The following PRMT7 variants were observed in gnomAD, a reference collection of about 807,000 sequenced individuals.
The protein encoded by PRMT7 is protein arginine methyltransferase 7.
A neutral mutation model predicts 85.4 loss-of-function variants in PRMT7; 75 were observed. That is an observed-to-expected ratio of 0.88 (90% confidence interval 0.73 to 1.06). The LOEUF is 1.06. PRMT7 is among the 50% of genes least tolerant of loss of function. The pLI, the probability that PRMT7 is intolerant of heterozygous loss-of-function variation, is 0.00. For missense variants in PRMT7, 868 were observed against 915.2 expected (o/e 0.95, Z 0.67); for synonymous variants, 397 against 359.5 (o/e 1.10, Z -1.18).
chr16:68,339,992 T>G, intron 9 of PRMT7, 24 bp downstream of exon 9: 1 of 1,579,052 alleles, frequency 6.3e-7, no homozygotes, highest in Non-Finnish European at 8.6e-7. Flanking sequence ...GCCTAGCATG[T>G]GCCCTGTCAG....
intron 5 of PRMT7, chr16:68,328,066 T>C: frequency 4.5e-6 from 1 of 223,440 alleles, no homozygotes. Context: ...TATTTATATT[T>C]ATTATTGTGC....
Position 68,357,168 on chromosome 16 carries a change from C to A in PRMT7, c.2023C>A (p.His675Asn). 6.2e-7 allele frequency: 1 copy of A among 1,613,998 alleles called. No individual in the cohort carries two copies. The highest frequency in any genetic ancestry group is 1.1e-5 in the South Asian group (1 of 91,088). The change falls in exon 19 of 19, where the codon CAC (histidine) becomes AAC (asparagine). Residue 675 changes from histidine to asparagine, a missense_variant. Physicochemically the swap from His to Asn is moderately conservative, Grantham distance 68. Coordinates refer to ENST00000441236, the MANE Select transcript of PRMT7 (RefSeq NM_019023.5). ...GACTGTCAGCTATGCAGTGGAGTTT[C>A]ACCCCGACACAGGCGACATCATCAT... ...PRTVSYAVEF[H>N]PDTGDIIMEF...
chr16:68,353,528 G>A lies in PRMT7; in HGVS notation c.1612G>A (p.Glu538Lys), dbSNP rs1449167583. 7 of 1,604,812 alleles carry A rather than the reference G, an allele frequency of 4.4e-6. No individual in the cohort carries two copies. The highest frequency in any genetic ancestry group is 2.3e-5 in the East Asian group (1 of 43,964). ...GATCCGGAGCCCCTGTGGTGACTGCGAAGGCTTCGACGTGCACATCATGGA... is the reference window on the plus strand; with the variant it reads ...GATCCGGAGCCCCTGTGGTGACTGCAAAGGCTTCGACGTGCACATCATGGA... ...WRIRSPCGDC[E>K]GFDVHIMDDM... is the part of the protein sequence containing the mutation. Residue 538 changes from glutamate to lysine, a missense_variant, in exon 16 of 19, where the codon GAA becomes AAA. Coordinates refer to ENST00000441236, the MANE Select transcript of PRMT7 (RefSeq NM_019023.5).
chr16:68,336,067 G>A (rs556464838), intron 6 of PRMT7, among the ~76,000 whole-genome samples: 19 of 152,248 alleles, frequency 1.2e-4, no homozygotes, highest in East Asian at 3.9e-4. Flanking sequence ...GGGAGCCACC[G>A]CGCCCGGCCC....
intron 7 of PRMT7, among the ~76,000 whole-genome samples, chr16:68,338,302 T>A (rs916225427): frequency 5.3e-5 from 8 of 151,888 alleles, no homozygotes; most frequent in African/African-American, 2.4e-5. Flanking sequence ...TGTAGAGATA[T>A]CGATGCTAGG....
chr16:68,313,040 G>A (rs1314293500), intron 2 of PRMT7, among the ~76,000 whole-genome samples: 3 of 152,134 alleles, frequency 2.0e-5, no homozygotes, highest in Non-Finnish European at 4.4e-5. Flanking sequence ...GGCCAGGCTG[G>A]TCTCGAACTC....
At chr16:68,311,213 G>GCCCACTCCTCCTACTTGGCCT (rs1423597965) in intron 1 of PRMT7, 114 bp downstream of exon 1, 430 of 539,948 alleles carry the variant, frequency 8.0e-4, no homozygotes, top group Admixed American at 1.4e-3. Context: ...GGCCTACTTG[G>GCCCACTCCTCCTACTTGGCCT]ACTCCTCCGC....
intron 6 of PRMT7, among the ~76,000 whole-genome samples, chr16:68,330,794 C>T (rs1279396062): frequency 6.6e-6 from 1 of 152,056 alleles, no homozygotes; most frequent in African/African-American, 2.4e-5. Flanking sequence ...GGGGTTTCAC[C>T]GTGTTGGCCA....
chr16:68,353,246 C>A, intron 15 of PRMT7: 1 of 675,848 alleles, frequency 1.5e-6, no homozygotes, highest in Non-Finnish European at 2.2e-6. Flanking sequence ...CAGCCCCCAG[C>A]CTAGGAGCTC....
Position 68,352,324 on chromosome 16 carries a change from G to C in PRMT7, c.1490G>C (p.Arg497Pro). The C allele has an allele frequency of 2.5e-6, 4 of 1,612,812 alleles. No individual in the cohort carries two copies. The highest frequency in any genetic ancestry group is 3.4e-6 in the Non-Finnish European group (4 of 1,180,004). The change falls in exon 15 of 19, where the codon CGG becomes CCG. Residue 497 changes from arginine to proline, a missense_variant. Transcript: ENST00000441236. ...CACAACCTCTACTTCTGGTACGTGC[G>C]GACCGCTGTGGACCAGCACCTGGGG... ...PWHNLYFWYV[R>P]TAVDQHLGPG...
Position 68,321,443 on chromosome 16 carries a change from T to C in PRMT7, c.113T>C (p.Met38Thr). ...TTTTTTAGGTCATCTTATGCAGATATGCTACATGACAAAGACAGAGTAAGT... is the reference window on the plus strand; with the variant it reads ...TTTTTTAGGTCATCTTATGCAGATACGCTACATGACAAAGACAGAGTAAGT... ...QEIARSSYADMLHDKDRNVKY... is the reference protein window; with the variant it reads ...QEIARSSYADTLHDKDRNVKY... The change falls in exon 4 of 19, where the codon ATG becomes ACG. Residue 38 changes from methionine (M) to threonine (T), a missense_variant. Physicochemically the swap from Met to Thr is moderately conservative, Grantham distance 81. Coordinates refer to ENST00000441236, the MANE Select transcript of PRMT7 (RefSeq NM_019023.5). 9.9e-6 allele frequency: 16 copies of C among 1,610,988 alleles called. No homozygotes were observed. The highest frequency in any genetic ancestry group is 1.1e-5 in the South Asian group (1 of 90,740).
At chr16:68,313,795 G>A (rs1412510668) in intron 2 of PRMT7, among the ~76,000 whole-genome samples, 1 of 152,202 alleles carries the variant, frequency 6.6e-6, no homozygotes, top group Non-Finnish European at 1.5e-5. Flanking sequence ...GTGCAGCTGG[G>A]TGCCGTGGTG....
intron 9 of PRMT7, among the ~76,000 whole-genome samples, chr16:68,341,285 A>AGTGGGTGGGAAG (rs2085495118): frequency 6.6e-6 from 1 of 152,264 alleles, no homozygotes; most frequent in Non-Finnish European, 1.5e-5. Context: ...CTGTTCAGAC[A>AGTGGGTGGGAAG]AAACCAATTC....
chr16:68,314,809 C>T (rs1042220723), intron 2 of PRMT7, among the ~76,000 whole-genome samples: 1 of 152,148 alleles, frequency 6.6e-6, no homozygotes, highest in African/African-American at 2.4e-5. Context: ...GTTTCTCTCC[C>T]TCCCAGAAAT....
At chr16:68,331,679 G>T (rs1374716844) in intron 6 of PRMT7, among the ~76,000 whole-genome samples, 1 of 151,978 alleles carries the variant, frequency 6.6e-6, no homozygotes, top group Admixed American at 6.6e-5. Flanking sequence ...TCAGTTTGTT[G>T]CTTAGGCTGG....
chr16:68,324,708 G>T lies in PRMT7; in HGVS notation c.158G>T (p.Arg53Leu). 1 of 1,614,206 alleles carries T rather than the reference G, an allele frequency of 6.2e-7. No homozygotes were observed. The highest frequency in any genetic ancestry group is 8.5e-7 in the Non-Finnish European group (1 of 1,180,028). The change falls in exon 5 of 19, where the codon CGG becomes CTG. Residue 53 changes from arginine to leucine, a missense_variant. Transcript: ENST00000441236. The part of the protein sequence containing the change: ...DRNVKYYQGI[R>L]AAVSRVKDRG... ...AATGTAAAATACTACCAAGGTATCC[G>T]GGCTGCCGTGAGCAGGGTGAAGGAC...
intron 4 of PRMT7, 134 bp downstream of exon 4, chr16:68,321,596 G>T (rs929858196): frequency 1.3e-6 from 1 of 778,612 alleles, no homozygotes; most frequent in South Asian, 2.2e-5. Flanking sequence ...CAGGAAATCA[G>T]TTGGGAGACT....
intron 14 of PRMT7, among the ~76,000 whole-genome samples, chr16:68,349,181 C>G (rs1455344848): frequency 6.6e-6 from 1 of 152,164 alleles, no homozygotes; most frequent in African/African-American, 2.4e-5. Context: ...TCCTTGTGAC[C>G]CGGGACTTCT....
intron 14 of PRMT7, among the ~76,000 whole-genome samples, chr16:68,350,331 A>G (rs1420153564): frequency 6.6e-6 from 1 of 152,192 alleles, no homozygotes; most frequent in Non-Finnish European, 1.5e-5. Context: ...CGACTTTTTA[A>G]GAAGCTGCTG....
Sources: gnomAD v4.1 joint callset for allele counts (sites outside exome capture counted in the v4.1 genomes callset) on GRCh38, gnomAD v4.1.1 for gene constraint, MANE v1.5 for transcripts, NCBI Gene and HGNC (gene_info 2026-07-23, HGNC 2026-07-21) for gene names.